USP7: variants seen among roughly 807,000 people sequenced by gnomAD.
USP7 encodes ubiquitin C-terminal hydrolase 7.
USP7 carries 9 observed loss-of-function variants against 162.9 expected under a neutral mutation model. The observed-to-expected ratio is 0.06, with a 90% CI of 0.03 to 0.10. The LOEUF (loss-of-function observed/expected upper bound fraction) is 0.10. Ranked by LOEUF, USP7 falls within the 10% of genes least tolerant of loss-of-function variation. USP7 has a pLI of 1.00. For synonymous variants in USP7, 562 were observed against 475.9 expected (o/e 1.18, Z -2.35); for missense variants, 715 against 1,373.7 (o/e 0.52, Z 7.58).
chr16:8,957,511 A>G (rs893900333), intron 1 of USP7, among the ~76,000 whole-genome samples: 2 of 152,006 alleles, frequency 1.3e-5, no homozygotes, highest in African/African-American at 4.8e-5. Flanking sequence ...TGAGAGGTTC[A>G]GGCAGGAGGA....
In USP7 at chr16:8,893,444, A is replaced by C. The variant is rs1304696776; in HGVS notation, c.*554T>G. On this transcript the variant is annotated 3_prime_UTR_variant, in exon 31 of 31. Transcript: ENST00000344836. ...GAGACAAGTTTATTAAAAAGCCCCC[A>C]GGCAGCTGGAGGAGGAGAACCCGAG... The C allele has an allele frequency of 6.5e-6, 1 of 154,334 alleles. No homozygotes were observed. The highest frequency in any genetic ancestry group is 1.4e-5 in the Non-Finnish European group (1 of 69,368). 9.6% of individuals were successfully genotyped at this position (154,334 alleles called of 1,614,324 possible).
chr16:8,932,302 C>A (rs532183216), intron 1 of USP7, among the ~76,000 whole-genome samples: 1 of 152,298 alleles, frequency 6.6e-6, no homozygotes, highest in Non-Finnish European at 1.5e-5. Flanking sequence ...CCGTGGCTCA[C>A]TGCCTATAAT....
chr16:8,905,243 G>C lies in USP7; in HGVS notation c.1517C>G (p.Ser506Cys). The C allele has an allele frequency of 6.2e-7, 1 of 1,614,224 alleles. No homozygotes were observed. Among genetic ancestry groups the C allele is most frequent in the Non-Finnish European group, 8.5e-7 (1 of 1,180,038 alleles). Residue 506 changes from serine to cysteine, a missense_variant, in exon 14 of 31, where the codon TCT becomes TGT. Physicochemically the swap from Ser to Cys is moderately radical, Grantham distance 112 (BLOSUM62 -1). Around this residue, in one of 11 missense-constraint regions of USP7, gnomAD observed 197 missense variants for 306.5 expected, o/e 0.64. Transcript: ENST00000344836. ...HNYGGHDDDL[S>C]VRHCTNAYML... ...GTAAGCATTAGTGCAGTGTCGAACA[G>C]ACAGGTCGTCATCGTGACCCCCATA... is the stretch of plus-strand genomic sequence containing the variant.
chr16:8,939,747 C>T (rs907469053), intron 1 of USP7, among the ~76,000 whole-genome samples: 14 of 152,320 alleles, frequency 9.2e-5, no homozygotes, highest in East Asian at 3.9e-4. Context: ...ATTCACATTA[C>T]GTGGGTAAGT....
chr16:8,910,193 C>G (rs2061923820), intron 11 of USP7, among the ~76,000 whole-genome samples: 2 of 152,042 alleles, frequency 1.3e-5, no homozygotes, highest in South Asian at 4.1e-4. Context: ...AACAGACCAG[C>G]CAGACCAGCA....
intron 1 of USP7, among the ~76,000 whole-genome samples, chr16:8,936,073 A>T: frequency 6.6e-6 from 1 of 152,156 alleles, no homozygotes; most frequent in East Asian, 1.9e-4. Context: ...TCGCGAACAC[A>T]ATACAACCCT....
Position 8,893,950 on chromosome 16 carries a change from A to T in USP7, c.*48T>A, listed in dbSNP as rs771872079. ...CGTGCACCAAAGTTCTAGGCTGTTAAGGGGCCACCCACACACCGTCCTCGC... is the reference window on the plus strand; with the variant it reads ...CGTGCACCAAAGTTCTAGGCTGTTATGGGGCCACCCACACACCGTCCTCGC... On this transcript the variant is annotated 3_prime_UTR_variant, in exon 31 of 31. Coordinates refer to ENST00000344836, the MANE Select transcript of USP7 (RefSeq NM_003470.3). The T allele has an allele frequency of 6.4e-7, 1 of 1,569,180 alleles. No homozygotes were observed. Among genetic ancestry groups the T allele is most frequent in the Non-Finnish European group, 8.8e-7 (1 of 1,138,962 alleles).
intron 18 of USP7, 94 bp from the exon 19 acceptor site, chr16:8,901,328 A>C: frequency 1.2e-6 from 1 of 854,574 alleles, no homozygotes; most frequent in Non-Finnish European, 1.9e-6. Flanking sequence ...ACGAAAAAAA[A>C]AAAACAGTAA....
At chr16:8,905,403 T>C in intron 13 of USP7, 72 bp from the exon 14 acceptor site, 1 of 1,574,346 alleles carries the variant, frequency 6.4e-7, no homozygotes, top group East Asian at 2.3e-5. Flanking sequence ...AAGGCAGCGT[T>C]GTTCTAAAAT....
chr16:8,925,330 G>A (rs538294755), intron 2 of USP7, among the ~76,000 whole-genome samples: 2 of 152,120 alleles, frequency 1.3e-5, no homozygotes, highest in Non-Finnish European at 2.9e-5. Context: ...TAGCTTGCCC[G>A]CTTTATGAAG....
Position 8,899,717 on chromosome 16 carries a change from T to G in USP7, c.2350A>C (p.Lys784Gln). The change falls in exon 22 of 31, where the codon AAG becomes CAG. Residue 784 changes from lysine to glutamine, a missense_variant. Physicochemically the swap from Lys to Gln is moderately conservative, Grantham distance 53. Transcript: ENST00000344836. ...ENDNSELPTA[K>Q]EYFRDLYHRV... ...TGGTAGAGATCTCGGAAATACTCCT[T>G]TGCGGTGGGTAATTCACTGTTATCA... 1 of 1,613,616 alleles carries G rather than the reference T, an allele frequency of 6.2e-7. No homozygotes were observed. The highest frequency in any genetic ancestry group is 8.5e-7 in the Non-Finnish European group (1 of 1,179,850).
chr16:8,911,183 T>G (rs907438823), intron 10 of USP7, among the ~76,000 whole-genome samples: 7 of 152,142 alleles, frequency 4.6e-5, no homozygotes, highest in African/African-American at 1.7e-4. Context: ...GATGCACAAA[T>G]GTGAATGGCT....
At chr16:8,911,601 AG>A (rs1268066114) in intron 10 of USP7, among the ~76,000 whole-genome samples, 1 of 152,206 alleles carries the variant, frequency 6.6e-6, no homozygotes, top group African/African-American at 2.4e-5. Flanking sequence ...GACAAATGAG[AG>A]CCCCGTGATG....
At chr16:8,921,319 C>T in intron 3 of USP7, 24 bp from the exon 4 acceptor site, 2 of 1,605,576 alleles carry the variant, frequency 1.2e-6, no homozygotes, top group Non-Finnish European at 1.7e-6. Context: ...TAATCTGAGC[C>T]TTAGTTGACA....
intron 1 of USP7, among the ~76,000 whole-genome samples, chr16:8,933,072 C>T (rs982386475): frequency 6.6e-6 from 1 of 152,060 alleles, no homozygotes; most frequent in African/African-American, 2.4e-5. Context: ...TCCCAAATGG[C>T]TGGGATTACA....
chr16:8,924,028 T>A (rs1222033096), intron 2 of USP7, among the ~76,000 whole-genome samples: 1 of 134,086 alleles, frequency 7.5e-6, no homozygotes, highest in African/African-American at 2.8e-5. Context: ...AGAACTGGTA[T>A]TTTTTCCCAC....
chr16:8,893,950 A>C lies in USP7; in HGVS notation c.*48T>G. 6.4e-7 allele frequency: 1 copy of C among 1,569,180 alleles called. No individual in the cohort carries two copies. The highest frequency in any genetic ancestry group is 8.8e-7 in the Non-Finnish European group (1 of 1,138,962). ...CGTGCACCAAAGTTCTAGGCTGTTA[A>C]GGGGCCACCCACACACCGTCCTCGC... On this transcript the variant is annotated 3_prime_UTR_variant, in exon 31 of 31. Coordinates refer to ENST00000344836, the MANE Select transcript of USP7 (RefSeq NM_003470.3).
intron 1 of USP7, among the ~76,000 whole-genome samples, 171 bp from the exon 2 acceptor site, chr16:8,930,568 C>CATTAGTAT (rs1898262884): frequency 1.3e-5 from 2 of 152,184 alleles, no homozygotes; most frequent in African/African-American, 4.8e-5. Flanking sequence ...TTACTACATA[C>CATTAGTAT]AAACTTTCGC....
chr16:8,928,699 G>A (rs746015617), intron 2 of USP7, among the ~76,000 whole-genome samples: 3 of 152,156 alleles, frequency 2.0e-5, no homozygotes, highest in South Asian at 2.1e-4. Flanking sequence ...AAGGTGCTAC[G>A]GAAGATTACT....
Sources: gnomAD v4.1 joint callset for allele counts (sites outside exome capture counted in the v4.1 genomes callset) on GRCh38, gnomAD v4.1.1 for gene constraint, gnomAD v4.1.1 regional missense constraint, MANE v1.5 for transcripts, NCBI Gene and HGNC (gene_info 2026-07-23, HGNC 2026-07-21) for gene names.